ANKFN1: variants seen among roughly 807,000 people sequenced by gnomAD.
The protein encoded by ANKFN1 is ankyrin repeat and fibronectin type III domain containing 1, also known as ankyrin repeat and fibronectin type-III domain-containing protein 1.
Under a neutral mutation model 108.7 loss-of-function variants are expected in ANKFN1, and 74 were observed. The observed-to-expected ratio is 0.68, with a 90% CI of 0.56 to 0.83. The LOEUF is 0.83. Among genes scored for constraint, ANKFN1 ranks in the 40% least tolerant of loss-of-function variants. The pLI is 0.00. For synonymous variants in ANKFN1, 547 were observed against 516.2 expected (o/e 1.06, Z -0.81); for missense variants, 1,505 against 1,382.3 (o/e 1.09, Z -1.41).
chr17:56,481,047 A>G (rs552390877), intron 17 of ANKFN1, among the ~76,000 whole-genome samples: 2 of 136,610 alleles, frequency 1.5e-5, no homozygotes, highest in East Asian at 2.1e-4. Context: ...CCTCTTTCAC[A>G]TTTTCTGGAC....
At chr17:56,280,320 C>T (rs1471813203) in intron 3 of ANKFN1, among the ~76,000 whole-genome samples, 1 of 152,196 alleles carries the variant, frequency 6.6e-6, no homozygotes, top group Non-Finnish European at 1.5e-5. Flanking sequence ...ATCCAATCCA[C>T]TGAGAACCCA....
At chr17:56,239,154 G>T (rs1016465283) in intron 3 of ANKFN1, among the ~76,000 whole-genome samples, 2 of 152,068 alleles carry the variant, frequency 1.3e-5, no homozygotes, top group African/African-American at 4.8e-5. Context: ...GAATGGGGAG[G>T]AGAGGATTGT....
At position 56,499,031 on chromosome 17, in the gene ANKFN1, A is replaced by T; in HGVS notation, c.2577A>T (p.Ser859=). The stretch of plus-strand genomic sequence containing the variant: ...TAAAGAAGATCAATTCTACATCATC[A>T]TCACATATAGACTGTCTTCCATCCC... The part of the protein sequence containing the change: ...QSLKKINSTS[S]SHIDCLPSPP... The change falls in exon 20 of 21, where the codon TCA becomes TCT. Residue 859 remains serine, a synonymous_variant. Coordinates refer to ENST00000682825, the MANE Select transcript of ANKFN1 (RefSeq NM_001370326.1). 6.5e-7 allele frequency: 1 copy of T among 1,535,784 alleles called. No homozygotes were observed. Among genetic ancestry groups the T allele is most frequent in the Non-Finnish European group, 8.7e-7 (1 of 1,146,674 alleles).
At chr17:56,429,727 T>C (rs1017122193) in intron 8 of ANKFN1, among the ~76,000 whole-genome samples, 3 of 152,130 alleles carry the variant, frequency 2.0e-5, no homozygotes, top group Admixed American at 2.0e-4. Context: ...AAAAGATTGT[T>C]CCAGTGTCAT....
intron 4 of ANKFN1, among the ~76,000 whole-genome samples, chr17:56,332,549 T>A (rs1460718328): frequency 6.6e-6 from 1 of 152,188 alleles, no homozygotes; most frequent in Non-Finnish European, 1.5e-5. Flanking sequence ...GAAAAGATTA[T>A]CTTTTTTCCT....
intron 15 of ANKFN1, among the ~76,000 whole-genome samples, chr17:56,467,835 AAAGAAAGAAAGAAAGAAAAAGG>A (rs1384442826): frequency 7.9e-5 from 3 of 38,162 alleles, no homozygotes; most frequent in Admixed American, 6.8e-4. Context: ...AGAAAGAAAG[AAAGAAAGAAAGAAAGAAAAAGG>A]GAAAGAAAGA....
intron 1 of ANKFN1, among the ~76,000 whole-genome samples, chr17:56,177,533 T>C (rs1911284745): frequency 6.6e-6 from 1 of 152,206 alleles, no homozygotes; most frequent in African/African-American, 2.4e-5. Flanking sequence ...CCACTTACAA[T>C]GAATTTTCCT....
At chr17:56,173,592 A>G (rs541672475) in intron 1 of ANKFN1, among the ~76,000 whole-genome samples, 1 of 151,998 alleles carries the variant, frequency 6.6e-6, no homozygotes, top group Admixed American at 6.6e-5. Context: ...CAAGTAGCTG[A>G]GACTAAAAAT....
At chr17:56,388,480 A>G (rs1167766812) in intron 8 of ANKFN1, among the ~76,000 whole-genome samples, 1 of 152,186 alleles carries the variant, frequency 6.6e-6, no homozygotes, top group African/African-American at 2.4e-5. Flanking sequence ...CTACAAAAGA[A>G]AAGCATTTAA....
chr17:56,154,150 C>T (rs1908862291), intron 1 of ANKFN1, among the ~76,000 whole-genome samples: 1 of 151,926 alleles, frequency 6.6e-6, no homozygotes, highest in Non-Finnish European at 1.5e-5. Flanking sequence ...CTGTTACTGA[C>T]CCAGATTGGT....
chr17:56,317,770 C>T (rs948811827), intron 3 of ANKFN1, among the ~76,000 whole-genome samples: 3 of 152,206 alleles, frequency 2.0e-5, no homozygotes, highest in Non-Finnish European at 4.4e-5. Flanking sequence ...CATAATCAGA[C>T]AATCTACAGC....
chr17:56,406,497 C>T (rs1002008409), intron 8 of ANKFN1, among the ~76,000 whole-genome samples: 1 of 150,302 alleles, frequency 6.7e-6, no homozygotes, highest in Non-Finnish European at 1.5e-5. Context: ...TTTAAGCTAT[C>T]GAGAAAGAGA....
intron 2 of ANKFN1, among the ~76,000 whole-genome samples, chr17:56,216,329 C>T (rs1032972663): frequency 6.6e-6 from 1 of 152,158 alleles, no homozygotes; most frequent in Non-Finnish European, 1.5e-5. Flanking sequence ...TTAATTATAA[C>T]ATTTGGACAG....
chr17:56,204,298 C>T (rs534019601), intron 1 of ANKFN1, among the ~76,000 whole-genome samples: 3 of 152,176 alleles, frequency 2.0e-5, no homozygotes, highest in South Asian at 2.1e-4. Flanking sequence ...CTGCCCGCCT[C>T]GGCCTCCCAA....
chr17:56,207,926 A>G (rs1440804640), intron 1 of ANKFN1, among the ~76,000 whole-genome samples: 2 of 152,168 alleles, frequency 1.3e-5, no homozygotes, highest in Non-Finnish European at 2.9e-5. Flanking sequence ...TCCAAGCAGG[A>G]TACTTGTACC....
At chr17:56,188,581 G>GTGTGTGTGTATATATA (rs1212242378) in intron 1 of ANKFN1, among the ~76,000 whole-genome samples, 10 of 49,654 alleles carry the variant, frequency 2.0e-4, no homozygotes, top group African/African-American at 7.1e-4. Flanking sequence ...GTGTGTGTGT[G>GTGTGTGTGTATATATA]TATATATATA....
intron 4 of ANKFN1, among the ~76,000 whole-genome samples, chr17:56,336,435 G>A (rs2045812350): frequency 6.6e-6 from 1 of 152,056 alleles, no homozygotes; most frequent in East Asian, 1.9e-4. Context: ...CTTCTTCCTG[G>A]TTTAGTCTTG....
At chr17:56,258,529 T>C (rs752416556) in intron 3 of ANKFN1, among the ~76,000 whole-genome samples, 1 of 152,056 alleles carries the variant, frequency 6.6e-6, no homozygotes. Context: ...TGGGCAGAAT[T>C]TGGAATAAGG....
At chr17:56,158,426 C>T (rs2192228) in intron 1 of ANKFN1, among the ~76,000 whole-genome samples, 15,914 of 152,234 alleles carry the variant, frequency 0.1, 1,169 homozygotes, top group East Asian at 0.28. Flanking sequence ...GATGAGGTTA[C>T]GGCCCTAGCA....
Sources: gnomAD v4.1 joint callset for allele counts (sites outside exome capture counted in the v4.1 genomes callset) on GRCh38, gnomAD v4.1.1 for gene constraint, MANE v1.5 for transcripts, NCBI Gene and HGNC (gene_info 2026-07-23, HGNC 2026-07-21) for gene names.